Variants in POLA1 observed in about 807,000 individuals in gnomAD.
POLA1 encodes DNA polymerase alpha catalytic subunit.
In POLA1, 15 loss-of-function variants were observed where a neutral mutation model predicts 124.0. That is an observed-to-expected ratio of 0.12 (90% CI 0.08 to 0.19). POLA1 has a LOEUF of 0.19. Among genes scored for constraint, POLA1 ranks in the 10% least tolerant of loss-of-function variants. POLA1 has a pLI of 1.00. For synonymous variants in POLA1, 408 were observed against 389.4 expected (o/e 1.05, Z -0.56); for missense variants, 886 against 1,103.4 (o/e 0.80, Z 2.79).
In POLA1 at chrX:24,885,011, C is replaced by G. The variant is rs113683497; in HGVS notation, c.4048-2995C>G. Among the ~76,000 whole-genome samples the G allele has an allele frequency of 7.2e-3, 808 of 112,132 alleles. 5 individuals carry two copies. The highest frequency in any genetic ancestry group is 0.024 in the African/African-American group (742 of 30,877). Reference sequence around the variant, plus strand: ...GATAACTTAGCATGTCCGTGGTTGGCAGCTCCCCCAGGGAGTTGTGAAGTC... The same window carrying G: ...GATAACTTAGCATGTCCGTGGTTGGGAGCTCCCCCAGGGAGTTGTGAAGTC... On this transcript the variant is annotated intron_variant, in intron 34 of 36. Coordinates refer to ENST00000379068, the MANE Select transcript of POLA1 (RefSeq NM_001330360.2).
rs1425616922 is a variant in POLA1, at chrX:24,772,052, G to T, written c.2964+23060G>T. The stretch of plus-strand genomic sequence containing the variant: ...GTTCATTTTTAGAGACTATCTGGCT[G>T]TTTAAATTGAACCTATCATAAACAT... On this transcript the variant is annotated intron_variant, in intron 26 of 36. Coordinates refer to ENST00000379068, the MANE Select transcript of POLA1 (RefSeq NM_001330360.2). Among the ~76,000 whole-genome samples the T allele has an allele frequency of 2.7e-5, 3 of 111,780 alleles. No homozygotes were observed. The Admixed American group carries it at 2.8e-4, about 11-fold the overall frequency.
chrX:24,822,621 C>G (rs1042036263), intron 31 of POLA1, among the ~76,000 whole-genome samples: 1 of 112,023 alleles, frequency 8.9e-6, no homozygotes, highest in Non-Finnish European at 1.9e-5. Context: ...CTGTCTCCCC[C>G]CTAGGGTTAC....
intron 34 of POLA1, among the ~76,000 whole-genome samples, chrX:24,854,351 C>T (rs1041755003): frequency 3.6e-5 from 4 of 111,503 alleles, no homozygotes; most frequent in Non-Finnish European, 7.5e-5. Flanking sequence ...CGCCCGGCCA[C>T]GGGGGGCCAC....
intron 35 of POLA1, among the ~76,000 whole-genome samples, chrX:24,892,435 G>A (rs992597183): frequency 1.4e-4 from 15 of 110,935 alleles, no homozygotes; most frequent in Admixed American, 5.8e-4. Context: ...TTTAAAAATC[G>A]AACTCTATCA....
chrX:24,957,551 A>G (rs73471573), intron 36 of POLA1, among the ~76,000 whole-genome samples: 143 of 112,065 alleles, frequency 1.3e-3, no homozygotes, highest in African/African-American at 4.4e-3. Context: ...CGCACTGTCT[A>G]TAATAGTCTC....
chrX:24,777,678 C>T (rs761388237), intron 26 of POLA1, among the ~76,000 whole-genome samples: 26 of 112,350 alleles, frequency 2.3e-4, no homozygotes, highest in Non-Finnish European at 4.1e-4. Context: ...AGACTGCTAT[C>T]TATCTCTAAT....
chrX:24,812,096 G>C (rs2045911329), intron 28 of POLA1, among the ~76,000 whole-genome samples: 1 of 112,422 alleles, frequency 8.9e-6, no homozygotes, highest in Admixed American at 9.4e-5. Context: ...GCCTTGAAAA[G>C]TTGAGTATTT....
intron 1 of POLA1, among the ~76,000 whole-genome samples, chrX:24,695,948 A>C: frequency 8.9e-6 from 1 of 112,917 alleles, no homozygotes; most frequent in Non-Finnish European, 1.9e-5. Flanking sequence ...GTAAACATCT[A>C]ATCATATGCA....
chrX:24,857,897 G>A (rs2046666740), intron 34 of POLA1, among the ~76,000 whole-genome samples: 1 of 110,893 alleles, frequency 9.0e-6, no homozygotes, highest in Non-Finnish European at 1.9e-5. Context: ...GGATTTTTAA[G>A]GGTTTGAAAA....
chrX:24,893,700 A>C (rs778847869), intron 35 of POLA1, among the ~76,000 whole-genome samples: 1 of 112,474 alleles, frequency 8.9e-6, no homozygotes, highest in East Asian at 2.8e-4. Context: ...TTTGAAGTTC[A>C]TCTGTGTTGT....
rs1217898120 is a variant in POLA1, at chrX:24,838,204, C to A, written c.3737-3448C>A. On this transcript the variant is annotated intron_variant, in intron 32 of 36. Coordinates refer to ENST00000379068, the MANE Select transcript of POLA1 (RefSeq NM_001330360.2). ...ATGATGTTACTTTCTATAAATACTT[C>A]TTGAAACATGAGAGTTTTGATCCTG... 5.4e-5 allele frequency among the ~76,000 whole-genome samples: 6 copies of A among 111,719 alleles called. 1 individual carries two copies. In the Admixed American group the frequency reaches 5.7e-4, roughly 11 times the overall value.
At chrX:24,788,312 G>A in intron 26 of POLA1, 2 of 983,703 alleles carry the variant, frequency 2.0e-6, no homozygotes, top group Non-Finnish European at 2.7e-6. Context: ...AACAAGATAA[G>A]GATGCCCACT....
At chrX:24,915,447 AT>A (rs1259285992) in intron 35 of POLA1, among the ~76,000 whole-genome samples, 4 of 112,006 alleles carry the variant, frequency 3.6e-5, no homozygotes, top group African/African-American at 1.3e-4. Flanking sequence ...TTGAAGCTGC[AT>A]TCTGTGGATG....
intron 26 of POLA1, among the ~76,000 whole-genome samples, chrX:24,801,155 G>A (rs1293198404): frequency 8.9e-6 from 1 of 112,192 alleles, no homozygotes; most frequent in Non-Finnish European, 1.9e-5. Context: ...CTTTTCTCTT[G>A]AGTGAATATT....
chrX:24,904,685 G>A (rs1299864189), intron 35 of POLA1, among the ~76,000 whole-genome samples: 3 of 111,656 alleles, frequency 2.7e-5, no homozygotes, highest in East Asian at 2.8e-4. Flanking sequence ...GAACTAGAAG[G>A]TACCAGGAAG....
intron 26 of POLA1, among the ~76,000 whole-genome samples, chrX:24,774,794 A>G (rs929846690): frequency 1.4e-4 from 16 of 112,346 alleles, no homozygotes; most frequent in African/African-American, 3.9e-4. Context: ...TGACACATCA[A>G]TTGTGTAATT....
At chrX:24,748,838 G>A (rs1035340762) in intron 25 of POLA1, 32 bp from the exon 26 acceptor site, 8 of 1,200,154 alleles carry the variant, frequency 6.7e-6, no homozygotes, top group Non-Finnish European at 9.0e-6. Context: ...TGTAAATGTT[G>A]TTGTTTGTCT....
At chrX:24,978,676 C>G (rs1289314032) in intron 36 of POLA1, among the ~76,000 whole-genome samples, 2 of 111,951 alleles carry the variant, frequency 1.8e-5, no homozygotes, top group Admixed American at 1.9e-4. Flanking sequence ...AAAGCCTGCT[C>G]AAGGTAACAT....
chrX:24,951,143 AC>A (rs1014064800), intron 36 of POLA1, among the ~76,000 whole-genome samples: 3 of 109,163 alleles, frequency 2.7e-5, no homozygotes, highest in African/African-American at 1.0e-4. Flanking sequence ...GATTAATTAA[AC>A]CCTTCATCTT....
Sources: allele counts gnomAD v4.1 joint callset (sites outside exome capture counted in the v4.1 genomes callset), GRCh38; gene constraint gnomAD v4.1.1; transcripts MANE v1.5; gene names NCBI Gene and HGNC (gene_info 2026-07-23, HGNC 2026-07-21).